MYOF: variants seen among roughly 807,000 people sequenced by gnomAD.
The protein encoded by MYOF is myoferlin.
Under a neutral mutation model 284.2 loss-of-function variants are expected in MYOF, and 244 were observed. The ratio of observed to expected loss-of-function variants is 0.86; its 90% CI spans 0.77 to 0.95. The LOEUF is 0.95. Among genes scored for constraint, MYOF ranks in the 40% least tolerant of loss-of-function variants. The pLI is 0.00. For synonymous variants in MYOF, 904 were observed against 919.7 expected, an observed-to-expected ratio of 0.98 and a Z score of 0.31; for missense variants, 2,496 against 2,560.6, an observed-to-expected ratio of 0.97 and a Z score of 0.54.
At chr10:93,478,840 A>AGAAAGAAAGAAAGCAAGAAAG (rs1554875967) in intron 1 of MYOF, among the ~76,000 whole-genome samples, 1 of 78,052 alleles carries the variant, frequency 1.3e-5, no homozygotes, top group African/African-American at 5.1e-5. Flanking sequence ...AAAAAAAAAA[A>AGAAAGAAAGAAAGCAAGAAAG]AAAGAAAGAA....
intron 17 of MYOF, 136 bp from the exon 18 acceptor site, chr10:93,389,290 C>T (rs968173591): frequency 1.1e-6 from 1 of 939,450 alleles, no homozygotes; most frequent in East Asian, 3.0e-5. Context: ...AAGTTGTAAG[C>T]ACCATGAGGT....
At chr10:93,344,022 G>C (rs142037184) in intron 37 of MYOF, 90 bp from the exon 38 acceptor site, 9 of 1,369,750 alleles carry the variant, frequency 6.6e-6, no homozygotes, top group Non-Finnish European at 8.2e-6. Context: ...CAGCCATAGG[G>C]TGGATGGTAG....
chr10:93,461,417 T>C (rs1289968071), intron 1 of MYOF, among the ~76,000 whole-genome samples: 1 of 152,180 alleles, frequency 6.6e-6, no homozygotes, highest in Non-Finnish European at 1.5e-5. Flanking sequence ...AATGTGGCTA[T>C]ACGGGACTGA....
At chr10:93,425,050 T>C (rs1210590044) in intron 5 of MYOF, among the ~76,000 whole-genome samples, 2 of 148,110 alleles carry the variant, frequency 1.4e-5, no homozygotes, top group Non-Finnish European at 3.0e-5. Context: ...GCAATTCTCC[T>C]GTCTCAGCCT....
chr10:93,387,265 C>T (rs914310623), intron 19 of MYOF, among the ~76,000 whole-genome samples: 14 of 152,280 alleles, frequency 9.2e-5, no homozygotes, highest in South Asian at 6.2e-4. Context: ...AGGAGGGCCG[C>T]GGGCAGAGGG....
chr10:93,392,398 G>C (rs17479839), intron 17 of MYOF, among the ~76,000 whole-genome samples: 4,259 of 152,288 alleles, frequency 0.028, 80 homozygotes, highest in Middle Eastern at 0.051. Flanking sequence ...TGATGGTCAA[G>C]TGTGTGACAG....
chr10:93,335,101 G>A (rs924661246), intron 41 of MYOF, among the ~76,000 whole-genome samples: 2 of 152,210 alleles, frequency 1.3e-5, no homozygotes, highest in Non-Finnish European at 2.9e-5. Flanking sequence ...GCTGCCCGAA[G>A]CAATCAGGGA....
intron 25 of MYOF, among the ~76,000 whole-genome samples, chr10:93,366,781 G>A (rs534389975): frequency 6.6e-6 from 1 of 152,304 alleles, no homozygotes; most frequent in Admixed American, 6.5e-5. Flanking sequence ...GAAATCTGAG[G>A]ATAATGCTAC....
intron 18 of MYOF, 118 bp downstream of exon 18, chr10:93,388,911 GC>G (rs1261966485): frequency 1.5e-6 from 2 of 1,307,470 alleles, no homozygotes; most frequent in African/African-American, 3.0e-5. Context: ...TCCTATCTTT[GC>G]ATTCTAAGTC....
intron 25 of MYOF, among the ~76,000 whole-genome samples, chr10:93,367,561 T>C (rs1845383462): frequency 6.6e-6 from 1 of 152,174 alleles, no homozygotes; most frequent in African/African-American, 2.4e-5. Context: ...ACCTTAAGGC[T>C]TGGGGTCACA....
intron 50 of MYOF, among the ~76,000 whole-genome samples, chr10:93,316,090 A>C (rs1322889799): frequency 6.6e-6 from 1 of 152,048 alleles, no homozygotes; most frequent in Non-Finnish European, 1.5e-5. Context: ...GTGCCACTGC[A>C]CTCCAGCCTG....
intron 51 of MYOF, among the ~76,000 whole-genome samples, chr10:93,311,359 C>T (rs943303960): frequency 2.0e-5 from 3 of 151,488 alleles, no homozygotes; most frequent in Non-Finnish European, 4.4e-5. Flanking sequence ...CCTGTAATCC[C>T]AGTGCTTTGG....
intron 3 of MYOF, among the ~76,000 whole-genome samples, chr10:93,432,624 G>C (rs1189036785): frequency 6.6e-6 from 1 of 152,156 alleles, no homozygotes; most frequent in Non-Finnish European, 1.5e-5. Flanking sequence ...GCTGTCCCCT[G>C]TTTGATGGTG....
chr10:93,355,117 G>C (rs1445485193), intron 31 of MYOF, among the ~76,000 whole-genome samples: 1 of 152,176 alleles, frequency 6.6e-6, no homozygotes, highest in Non-Finnish European at 1.5e-5. Context: ...TAATATCAGT[G>C]ATCTGACCAC....
At chr10:93,374,653 A>G in intron 23 of MYOF, 110 bp downstream of exon 23, 5 of 1,123,958 alleles carry the variant, frequency 4.4e-6, no homozygotes, top group African/African-American at 1.6e-5. Flanking sequence ...AGAGCTGCTC[A>G]ATATCCAAGA....
At chr10:93,358,478 T>C (rs1345979760) in intron 29 of MYOF, among the ~76,000 whole-genome samples, 24 of 152,222 alleles carry the variant, frequency 1.6e-4, no homozygotes, top group Admixed American at 1.6e-3. Flanking sequence ...TAAACCATTC[T>C]ATTATAAAGA....
intron 26 of MYOF, among the ~76,000 whole-genome samples, chr10:93,366,057 G>A (rs1234520550): frequency 6.6e-6 from 1 of 152,268 alleles, no homozygotes; most frequent in Non-Finnish European, 1.5e-5. Context: ...GACCTTGTTC[G>A]CTTGCAAGTA....
At chr10:93,371,944 A>G (rs1249261720) in intron 24 of MYOF, among the ~76,000 whole-genome samples, 2 of 152,246 alleles carry the variant, frequency 1.3e-5, no homozygotes, top group Non-Finnish European at 2.9e-5. Context: ...TTATTTATTA[A>G]TCAGTTTGCT....
intron 17 of MYOF, among the ~76,000 whole-genome samples, chr10:93,389,969 T>A (rs1315463727): frequency 1.3e-5 from 2 of 152,214 alleles, no homozygotes; most frequent in Non-Finnish European, 2.9e-5. Flanking sequence ...TTTGGTTCAC[T>A]CTGTATAAGG....
Sources: gnomAD v4.1 joint callset for allele counts (sites outside exome capture counted in the v4.1 genomes callset) on GRCh38, gnomAD v4.1.1 for gene constraint, MANE v1.5 for transcripts, NCBI Gene and HGNC (gene_info 2026-07-23, HGNC 2026-07-21) for gene names.